HMCN1: variants seen among roughly 807,000 people sequenced by gnomAD.
The protein encoded by HMCN1 is hemicentin 1, also known as hemicentin-1.
A neutral mutation model predicts 625.9 loss-of-function variants in HMCN1; 321 were observed. The ratio of observed to expected loss-of-function variants is 0.51; its 90% confidence interval spans 0.47 to 0.56. The LOEUF (loss-of-function observed/expected upper bound fraction) is 0.56. Among genes scored for constraint, HMCN1 ranks in the 20% least tolerant of loss-of-function variants. HMCN1 has a pLI of 0.00. For synonymous variants in HMCN1, 2,425 were observed against 2,417.6 expected, an observed-to-expected ratio of 1.00 and a Z score of -0.09; for missense variants, 6,588 against 6,887.3, an observed-to-expected ratio of 0.96 and a Z score of 1.54.
chr1:185,797,826 C>T (rs959240608), intron 1 of HMCN1, among the ~76,000 whole-genome samples: 5 of 140,748 alleles, frequency 3.6e-5, no homozygotes, highest in South Asian at 2.2e-4. Flanking sequence ...ATTAGCCGGG[C>T]GTAGTGGCGG....
At chr1:185,943,090 G>A (rs1050574155) in intron 11 of HMCN1, among the ~76,000 whole-genome samples, 1 of 152,138 alleles carries the variant, frequency 6.6e-6, no homozygotes, top group Non-Finnish European at 1.5e-5. Flanking sequence ...ATAAGACAGG[G>A]TCTTGGAAGG....
intron 68 of HMCN1, among the ~76,000 whole-genome samples, chr1:186,097,862 A>C (rs1338236426): frequency 6.6e-6 from 1 of 152,184 alleles, no homozygotes; most frequent in Non-Finnish European, 1.5e-5. Context: ...CACATAGACC[A>C]ATTGAACAGA....
At position 186,055,402 on chromosome 1, in the gene HMCN1, C is replaced by A; in HGVS notation, c.6872C>A (p.Thr2291Asn). ...EYNLQVYIRP[T>N]ITNSGSHPTE... ...TTCCTCCAACCCTCAGTTAGACCAA[C>A]CATAACCAACAGTGGCAGCCACCCT... The change falls in exon 45 of 107, where the codon ACC becomes AAC. Residue 2291 changes from threonine (T) to asparagine (N), a missense_variant. By Grantham distance (65) the Thr-to-Asn change is moderately conservative. Transcript: ENST00000271588. 4 of 1,612,444 alleles carry A rather than the reference C, an allele frequency of 2.5e-6. No homozygotes were observed. The highest frequency in any genetic ancestry group is 3.4e-6 in the Non-Finnish European group (4 of 1,178,932).
rs144494893 is a variant in HMCN1, at chr1:185,946,244, T to C, written c.1828+12420T>C. 7.1e-4 allele frequency among the ~76,000 whole-genome samples: 108 copies of C among 152,306 alleles called. 1 individual carries two copies. Among genetic ancestry groups the C allele is most frequent in the African/African-American group, 2.3e-3 (97 of 41,564 alleles). On this transcript the variant is annotated intron_variant, in intron 11 of 106. Transcript: ENST00000271588. ...ATACGTTAAAGGCTAGATTTTTTAG[T>C]CTTTCCTTCAAGAAGTGCTGTGTAG...
At chr1:186,187,766 A>G (rs1323755861) in intron 105 of HMCN1, 117 bp from the exon 106 acceptor site, 4 of 1,361,348 alleles carry the variant, frequency 2.9e-6, no homozygotes, top group Non-Finnish European at 4.2e-6. Flanking sequence ...GACTAAGTTC[A>G]TTCATGGCAG....
At position 186,190,784 on chromosome 1, in the gene HMCN1, C is replaced by G. The variant is rs1456631675; in HGVS notation, c.*906C>G. The stretch of plus-strand genomic sequence containing the variant: ...ACACTGTACATGGTGGTAATAGACT[C>G]TAAGCAATTGCCAAGATGTATTCTA... On this transcript the variant is annotated 3_prime_UTR_variant, in exon 107 of 107. Transcript: ENST00000271588. 5.1e-6 allele frequency: 1 copy of G among 195,416 alleles called. No individual in the cohort carries two copies. The highest frequency in any genetic ancestry group is 1.1e-5 in the Non-Finnish European group (1 of 93,830). The allele number at this position is 195,416 out of a possible 1,614,324, so 12.1% of individuals were successfully genotyped here. A position where few individuals can be genotyped will look rare whatever the true frequency, so the allele number is the denominator to read the frequency against.
chr1:186,005,294 TAATTGTTTA>T lies in HMCN1; in HGVS notation c.4475+1460_4475+1468del, dbSNP rs1420950311. Among the ~76,000 whole-genome samples the T allele has an allele frequency of 1.5e-4, 21 of 144,512 alleles. 1 individual carries two copies. The highest frequency in any genetic ancestry group is 5.4e-4 in the African/African-American group (21 of 38,962). 94.8% of individuals were successfully genotyped at this position (144,512 alleles called of 152,430 possible). A position where few individuals can be genotyped will look rare whatever the true frequency, so the allele number is the denominator to read the frequency against. ...TTATAAATGTTTATAAACAAATTTT[TAATTGTTTA>T]AATTGTTTATAAATGTTTATAAACA... On this transcript the variant is annotated intron_variant, in intron 29 of 106. Transcript: ENST00000271588.
intron 80 of HMCN1, among the ~76,000 whole-genome samples, chr1:186,120,525 C>A (rs918943160): frequency 3.3e-5 from 5 of 152,122 alleles, no homozygotes; most frequent in Non-Finnish European, 7.4e-5. Flanking sequence ...CGCAGTTAAA[C>A]CAACTTGATG....
intron 2 of HMCN1, among the ~76,000 whole-genome samples, chr1:185,852,768 G>T (rs1472764851): frequency 6.6e-6 from 1 of 151,870 alleles, no homozygotes; most frequent in Admixed American, 6.6e-5. Flanking sequence ...ACTAGCTCTA[G>T]TACTCCAAAG....
At chr1:186,180,670 GTCA>G (rs1235844036) in intron 104 of HMCN1, among the ~76,000 whole-genome samples, 1 of 152,144 alleles carries the variant, frequency 6.6e-6, no homozygotes, top group African/African-American at 2.4e-5. Context: ...TCCTCAGACA[GTCA>G]TCTGCTATTT....
rs1313638919 is a variant in HMCN1, at chr1:186,132,336, T to C, written c.13239T>C (p.Asp4413=). 1 of 1,612,410 alleles carries C rather than the reference T, an allele frequency of 6.2e-7. No homozygotes were observed. ...SLAIYGTVNE[D]AGDYTCVATN... ...GCTGCTTATTTCCATAGAATGAAGATGCCGGTGACTATACATGTGTAGCTA... is the reference window on the plus strand; with the variant it reads ...GCTGCTTATTTCCATAGAATGAAGACGCCGGTGACTATACATGTGTAGCTA... The change falls in exon 86 of 107, where the codon GAT becomes GAC. Residue 4413 remains aspartate, a synonymous_variant. Coordinates refer to ENST00000271588, the MANE Select transcript of HMCN1 (RefSeq NM_031935.3).
intron 4 of HMCN1, among the ~76,000 whole-genome samples, chr1:185,877,293 A>G (rs907085366): frequency 9.1e-5 from 10 of 109,452 alleles, no homozygotes; most frequent in Admixed American, 8.9e-4. Flanking sequence ...TGGATTCTCC[A>G]TTCTATTTCA....
chr1:185,858,427 A>G (rs1178418262), intron 2 of HMCN1, among the ~76,000 whole-genome samples: 1 of 150,990 alleles, frequency 6.6e-6, no homozygotes, highest in African/African-American at 2.4e-5. Flanking sequence ...TATTTTATTT[A>G]TTTATTTATT....
intron 2 of HMCN1, 121 bp from the exon 3 acceptor site, chr1:185,864,349 A>G: frequency 1.1e-6 from 1 of 892,278 alleles, no homozygotes; most frequent in South Asian, 1.4e-5. Context: ...AAAGTGTCAA[A>G]CTGACAGAAA....
chr1:185,881,084 A>C (rs1370805880), intron 4 of HMCN1, among the ~76,000 whole-genome samples: 1 of 152,194 alleles, frequency 6.6e-6, no homozygotes, highest in African/African-American at 2.4e-5. Flanking sequence ...CTGTTGACAG[A>C]TGGCTTGAAT....
intron 97 of HMCN1, among the ~76,000 whole-genome samples, chr1:186,159,953 A>T (rs970003795): frequency 5.3e-5 from 8 of 151,754 alleles, no homozygotes; most frequent in African/African-American, 1.9e-4. Context: ...GTTAGGGAGG[A>T]TTCCCTCTTT....
chr1:185,774,000 T>C (rs1439997449), intron 1 of HMCN1, among the ~76,000 whole-genome samples: 1 of 152,140 alleles, frequency 6.6e-6, no homozygotes, highest in Non-Finnish European at 1.5e-5. Flanking sequence ...AGAAAAGCTA[T>C]GCGTGGAGCT....
Position 186,137,817 on chromosome 1 carries a change from C to T in HMCN1, c.13769C>T (p.Ser4590Leu), listed in dbSNP as rs771682952. 2.4e-5 allele frequency: 39 copies of T among 1,613,946 alleles called. No homozygotes were observed. Among genetic ancestry groups the T allele is most frequent in the Admixed American group, 1.3e-4 (8 of 59,996 alleles). ...NKPCPVDGSW[S>L]EWSLWEECTR... ...CTTTGTATAGTGGATGGTAGCTGGTCGGAATGGAGTCTTTGGGAAGAATGC... is the reference window on the plus strand; with the variant it reads ...CTTTGTATAGTGGATGGTAGCTGGTTGGAATGGAGTCTTTGGGAAGAATGC... The change falls in exon 89 of 107, where the codon TCG (serine) becomes TTG (leucine). Residue 4590 changes from serine (S) to leucine (L), a missense_variant. Coordinates refer to ENST00000271588, the MANE Select transcript of HMCN1 (RefSeq NM_031935.3).
At chr1:185,967,973 AT>A (rs1238368161) in intron 14 of HMCN1, among the ~76,000 whole-genome samples, 1 of 152,178 alleles carries the variant, frequency 6.6e-6, no homozygotes, top group Non-Finnish European at 1.5e-5. Flanking sequence ...ATTTTTAGAA[AT>A]GAGCAATACA....
Sources: allele counts gnomAD v4.1 joint callset (sites outside exome capture counted in the v4.1 genomes callset), GRCh38; gene constraint gnomAD v4.1.1; transcripts MANE v1.5; gene names NCBI Gene and HGNC (gene_info 2026-07-23, HGNC 2026-07-21).